Variants in CAPN3 observed in about 807,000 individuals in gnomAD.
CAPN3 encodes the protein calpain 3.
In CAPN3, 88 loss-of-function variants were observed where a neutral mutation model predicts 114.0. The ratio of observed to expected loss-of-function variants is 0.77; its 90% CI spans 0.65 to 0.92. The LOEUF (loss-of-function observed/expected upper bound fraction) is 0.92. Among genes scored for constraint, CAPN3 ranks in the 40% least tolerant of loss-of-function variants. The pLI, the probability that CAPN3 is intolerant of heterozygous loss-of-function variation, is 0.00. For synonymous variants in CAPN3, 386 were observed against 382.9 expected (o/e 1.01, Z -0.09); for missense variants, 1,028 against 1,069.0 (o/e 0.96, Z 0.53).
Position 42,392,090 on chromosome 15 carries a change from G to A in CAPN3, c.946-549G>A, listed in dbSNP as rs558153581. 1.8e-3 allele frequency among the ~76,000 whole-genome samples: 268 copies of A among 152,222 alleles called. 1 individual carries two copies. Among genetic ancestry groups the A allele is most frequent in the Non-Finnish European group, 3.0e-3 (206 of 68,014 alleles). ...TGAGGCAGGAGAATCGCTGGAACAC[G>A]GGAGGCAGAGGTTGCAGTGAGCCGA... On this transcript the variant is annotated intron_variant, in intron 6 of 23. Coordinates refer to ENST00000397163, the MANE Select transcript of CAPN3 (RefSeq NM_000070.3).
chr15:42,402,683 CTG>C (rs909825496), intron 12 of CAPN3, 109 bp from the exon 13 acceptor site: 77 of 1,566,610 alleles, frequency 4.9e-5, no homozygotes, highest in Non-Finnish European at 5.8e-5. Flanking sequence ...GAGGTTGAAA[CTG>C]TGACATGGGT....
intron 15 of CAPN3, among the ~76,000 whole-genome samples, chr15:42,406,278 G>C (rs1048391446): frequency 1.3e-5 from 2 of 152,090 alleles, no homozygotes; most frequent in African/African-American, 4.8e-5. Flanking sequence ...CAGCCAGAGA[G>C]GGGCAGAGCC....
intron 3 of CAPN3, among the ~76,000 whole-genome samples, chr15:42,387,435 C>T (rs564764591): frequency 6.6e-6 from 1 of 152,340 alleles, no homozygotes; most frequent in South Asian, 2.1e-4. Flanking sequence ...GGCCCTGCCC[C>T]AGACCTGCTG....
chr15:42,403,171 T>C (rs764014321), intron 13 of CAPN3, among the ~76,000 whole-genome samples, 169 bp downstream of exon 13: 22 of 152,228 alleles, frequency 1.4e-4, no homozygotes, highest in Non-Finnish European at 3.1e-4. Flanking sequence ...GTGATATTTA[T>C]TGAGCACCTA....
At chr15:42,362,182 G>A (rs1339523373) in intron 1 of CAPN3, among the ~76,000 whole-genome samples, 1 of 152,196 alleles carries the variant, frequency 6.6e-6, no homozygotes, top group Non-Finnish European at 1.5e-5. Flanking sequence ...GGGAGGCAGA[G>A]GTGGGAGCAT....
chr15:42,408,296 G>A lies in CAPN3; in HGVS notation c.1886G>A (p.Ser629Asn), dbSNP rs1352460433. The change falls in exon 16 of 24, where the codon AGC (serine) becomes AAC (asparagine). Residue 629 changes from serine to asparagine, a missense_variant. Ser to Asn is a conservative substitution (Grantham distance 46). Coordinates refer to ENST00000397163, the MANE Select transcript of CAPN3 (RefSeq NM_000070.3). ...QESEEGKGKT[S>N]PDKQKQSPQP... ...TCAGAGGAGGGCAAAGGCAAAACAA[G>A]CCCTGATAAGCAAAAGCAGTCCCCA... 5.6e-6 allele frequency: 9 copies of A among 1,613,568 alleles called. No individual in the cohort carries two copies. Among genetic ancestry groups the A allele is most frequent in the Non-Finnish European group, 7.6e-6 (9 of 1,179,590 alleles).
rs1595817488 is a variant in CAPN3, at chr15:42,384,443, A to G, written c.310-40A>G. 3.6e-6 allele frequency: 5 copies of G among 1,402,668 alleles called. No homozygotes were observed. In the East Asian group the frequency reaches 9.1e-5, roughly 26 times the overall value. The allele number at this position is 1,402,668 out of a possible 1,614,324, so 86.9% of individuals were successfully genotyped here. A position where few individuals can be genotyped will look rare whatever the true frequency, so the allele number is the denominator to read the frequency against. On this transcript the variant is annotated intron_variant, in intron 1 of 23. Coordinates refer to ENST00000397163, the MANE Select transcript of CAPN3 (RefSeq NM_000070.3). ...TACCTATCTATCTATCTGTCTATCT[A>G]CTGTTATTCTTACCTGGTCATTTCC...
chr15:42,382,569 A>C (rs181846492), intron 1 of CAPN3, among the ~76,000 whole-genome samples: 1 of 152,114 alleles, frequency 6.6e-6, no homozygotes, highest in African/African-American at 2.4e-5. Flanking sequence ...GGGTCTCACT[A>C]TGTTGCCCAG....
rs3115877 is a variant in CAPN3, at chr15:42,396,574, A to G, written c.1116-226A>G. ...ATTCTTAACCTTTAAAGTATGATGA[A>G]AAGAAGGATCAAGCCCTCACCAGCC... On this transcript the variant is annotated intron_variant, in intron 8 of 23. Transcript: ENST00000397163. Among the ~76,000 whole-genome samples the G allele has an allele frequency of 0.94, 142,350 of 152,194 alleles. 66,759 individuals carry two copies. Among genetic ancestry groups the G allele is most frequent in the East Asian group, 1 (5,182 of 5,182 alleles).
chr15:42,411,277 T>G lies in CAPN3; in HGVS notation c.2381-10T>G, dbSNP rs2054221129. 1.2e-6 allele frequency: 2 copies of G among 1,613,200 alleles called. No individual in the cohort carries two copies. Among genetic ancestry groups the G allele is most frequent in the Non-Finnish European group, 8.5e-7 (1 of 1,179,100 alleles). On this transcript the variant is annotated splice_polypyrimidine_tract_variant and intron_variant, in intron 22 of 23. Coordinates refer to ENST00000397163, the MANE Select transcript of CAPN3 (RefSeq NM_000070.3). ...TGTAACTGGCCTCTGGCCTGTGCAT[T>G]CTTTCACAGGAGCTTTTCATGCATT... is the stretch of plus-strand genomic sequence containing the variant.
chr15:42,370,470 T>C (rs1242999943), intron 1 of CAPN3, among the ~76,000 whole-genome samples: 1 of 152,214 alleles, frequency 6.6e-6, no homozygotes, highest in Non-Finnish European at 1.5e-5. Flanking sequence ...CAGTTGTTTC[T>C]TCTCCCAGGA....
intron 1 of CAPN3, among the ~76,000 whole-genome samples, chr15:42,369,247 A>T (rs1399677376): frequency 2.0e-5 from 3 of 151,952 alleles, no homozygotes; most frequent in African/African-American, 7.3e-5. Context: ...CTGGTTGGAG[A>T]TGTCATTTGT....
At chr15:42,368,698 G>A (rs2052852280) in intron 1 of CAPN3, among the ~76,000 whole-genome samples, 1 of 152,188 alleles carries the variant, frequency 6.6e-6, no homozygotes, top group Non-Finnish European at 1.5e-5. Flanking sequence ...AGAATAATGA[G>A]TATTGACTAT....
At chr15:42,378,739 A>G (rs2053159312) in intron 1 of CAPN3, among the ~76,000 whole-genome samples, 1 of 151,462 alleles carries the variant, frequency 6.6e-6, no homozygotes, top group Non-Finnish European at 1.5e-5. Context: ...TTGCTTATTG[A>G]TTTTTCTTTT....
chr15:42,370,404 A>G (rs2052913085), intron 1 of CAPN3, among the ~76,000 whole-genome samples: 1 of 152,196 alleles, frequency 6.6e-6, no homozygotes, highest in African/African-American at 2.4e-5. Flanking sequence ...AGGGGGCTGA[A>G]TCACAGAAAA....
intron 21 of CAPN3, 97 bp downstream of exon 21, chr15:42,410,763 G>A: frequency 7.4e-7 from 1 of 1,350,008 alleles, no homozygotes; most frequent in Middle Eastern, 1.8e-4. Flanking sequence ...AGAGAAAGGA[G>A]AGGGAAAGGG....
intron 1 of CAPN3, among the ~76,000 whole-genome samples, chr15:42,367,898 G>C (rs2052830152): frequency 6.6e-6 from 1 of 152,134 alleles, no homozygotes; most frequent in Non-Finnish European, 1.5e-5. Context: ...CTGGGTTTAA[G>C]TGATCCTCCT....
chr15:42,402,469 C>T, intron 12 of CAPN3: 6 of 1,426,874 alleles, frequency 4.2e-6, no homozygotes, highest in Non-Finnish European at 5.5e-6. Context: ...ATGGAGGAAT[C>T]ACTTCCCTCA....
At position 42,409,373 on chromosome 15, in the gene CAPN3, C is replaced by T. The variant is rs1566984486; in HGVS notation, c.1985C>T (p.Ala662Val). The T allele has an allele frequency of 6.2e-7, 1 of 1,614,038 alleles. No homozygotes were observed. The highest frequency in any genetic ancestry group is 1.7e-5 in the Admixed American group (1 of 60,022). Residue 662 changes from alanine (A) to valine (V), a missense_variant, in exon 17 of 24, where the codon GCA (alanine) becomes GTA (valine). Coordinates refer to ENST00000397163, the MANE Select transcript of CAPN3 (RefSeq NM_000070.3). ...TTCCGGAACATTTTCAAGCAGATAGCAGGAGATGTGAGTACCTCCAAGCCC... is the reference window on the plus strand; with the variant it reads ...TTCCGGAACATTTTCAAGCAGATAGTAGGAGATGTGAGTACCTCCAAGCCC... ...QQFRNIFKQI[A>V]GDDMEICADE...
Sources: gnomAD v4.1 joint callset for allele counts (sites outside exome capture counted in the v4.1 genomes callset) on GRCh38, gnomAD v4.1.1 for gene constraint, MANE v1.5 for transcripts, NCBI Gene and HGNC (gene_info 2026-07-23, HGNC 2026-07-21) for gene names.